Variants in CEP128 observed in about 807,000 individuals in gnomAD.
The protein encoded by CEP128 is centrosomal protein 128kDa.
Under a neutral mutation model 156.7 loss-of-function variants are expected in CEP128, and 132 were observed. The ratio of observed to expected loss-of-function variants is 0.84; its 90% CI spans 0.73 to 0.97. The LOEUF (loss-of-function observed/expected upper bound fraction) is 0.97. CEP128 is among the 50% of genes least tolerant of loss of function. The pLI, the probability that CEP128 is intolerant of heterozygous loss-of-function variation, is 0.00. For missense variants in CEP128, 1,252 were observed against 1,281.9 expected (o/e 0.98, Z 0.36); for synonymous variants, 469 against 448.9 (o/e 1.04, Z -0.57).
chr14:80,895,868 T>A, intron 7 of CEP128, 78 bp from the exon 8 acceptor site: 2 of 982,858 alleles, frequency 2.0e-6, no homozygotes, highest in Non-Finnish European at 2.9e-6. Flanking sequence ...TATAACATGA[T>A]AATTATGTTA....
At chr14:80,889,892 A>AT (rs1889005302) in intron 8 of CEP128, among the ~76,000 whole-genome samples, 1 of 152,144 alleles carries the variant, frequency 6.6e-6, no homozygotes, top group Admixed American at 6.5e-5. Context: ...CAAAGAGCTA[A>AT]TGTCCAGAAT....
intron 19 of CEP128, among the ~76,000 whole-genome samples, chr14:80,585,772 T>C (rs535381508): frequency 4.6e-5 from 7 of 152,310 alleles, no homozygotes; most frequent in East Asian, 1.9e-4. Flanking sequence ...CCAAACACAA[T>C]AGATAATGCA....
chr14:80,844,282 C>T (rs1444414315), intron 9 of CEP128, among the ~76,000 whole-genome samples: 3 of 151,740 alleles, frequency 2.0e-5, no homozygotes, highest in African/African-American at 4.8e-5. Flanking sequence ...TTAAATTGTT[C>T]AAAGAAATTT....
chr14:80,764,441 G>A (rs1900134547), intron 16 of CEP128, among the ~76,000 whole-genome samples: 1 of 151,838 alleles, frequency 6.6e-6, no homozygotes, highest in Non-Finnish European at 1.5e-5. Context: ...AGAGCTTGCA[G>A]TGAGCCGAGA....
chr14:80,959,150 C>G (rs1886879705), intron 1 of CEP128, among the ~76,000 whole-genome samples: 1 of 152,052 alleles, frequency 6.6e-6, no homozygotes, highest in Non-Finnish European at 1.5e-5. Flanking sequence ...GATGCTGTAT[C>G]TTTTCCTCAC....
At chr14:80,827,911 C>T (rs1489457026) in intron 13 of CEP128, among the ~76,000 whole-genome samples, 2 of 152,074 alleles carry the variant, frequency 1.3e-5, no homozygotes, top group Admixed American at 1.3e-4. Context: ...TTGACCCACA[C>T]CTCTCTCTTC....
chr14:80,774,103 T>C (rs1318445946), intron 16 of CEP128, among the ~76,000 whole-genome samples: 3 of 152,226 alleles, frequency 2.0e-5, no homozygotes, highest in Non-Finnish European at 2.9e-5. Flanking sequence ...GAGGAAAATA[T>C]GCTAAAGTCA....
At chr14:80,952,804 G>C (rs1594880948) in intron 2 of CEP128, among the ~76,000 whole-genome samples, 1 of 152,186 alleles carries the variant, frequency 6.6e-6, no homozygotes, top group Middle Eastern at 3.4e-3. Flanking sequence ...TCAATATCAG[G>C]TATGACAGAG....
intron 19 of CEP128, among the ~76,000 whole-genome samples, chr14:80,600,211 T>A (rs1892522704): frequency 1.3e-5 from 2 of 152,056 alleles, no homozygotes; most frequent in African/African-American, 4.8e-5. Flanking sequence ...AAAAGATAAT[T>A]CCCAAAGGAA....
chr14:80,492,539 AAGAG>A (rs1198005088), downstream of CEP128, among the ~76,000 whole-genome samples: 1 of 152,178 alleles, frequency 6.6e-6, no homozygotes, highest in Non-Finnish European at 1.5e-5. Context: ...AAGGATATCA[AAGAG>A]AGAGAGACTG....
At chr14:80,638,680 C>A (rs1456696266) in intron 19 of CEP128, among the ~76,000 whole-genome samples, 3 of 152,168 alleles carry the variant, frequency 2.0e-5, no homozygotes, top group African/African-American at 7.2e-5. Flanking sequence ...ACGGTAGGGG[C>A]AGTGACTAGC....
intron 5 of CEP128, 100 bp downstream of exon 5, chr14:80,905,855 A>G: frequency 1.8e-6 from 2 of 1,139,382 alleles, no homozygotes; most frequent in Non-Finnish European, 2.5e-6. Flanking sequence ...TCCAATCTGC[A>G]TGAAGTTATG....
intron 19 of CEP128, among the ~76,000 whole-genome samples, chr14:80,688,691 G>C (rs1201302354): frequency 1.3e-5 from 2 of 152,148 alleles, no homozygotes; most frequent in Admixed American, 6.6e-5. Context: ...ATGGGTCAAA[G>C]TTAATTTAGA....
At chr14:80,686,277 T>A (rs1253943588) in intron 19 of CEP128, among the ~76,000 whole-genome samples, 1 of 152,038 alleles carries the variant, frequency 6.6e-6, no homozygotes, top group Non-Finnish European at 1.5e-5. Context: ...GGGCCAATAT[T>A]CAACATTCTT....
chr14:80,632,176 A>G (rs940570480), intron 19 of CEP128, among the ~76,000 whole-genome samples: 1 of 152,040 alleles, frequency 6.6e-6, no homozygotes, highest in African/African-American at 2.4e-5. Flanking sequence ...TATGACAACT[A>G]TCCTTCAGTA....
chr14:80,552,971 C>A (rs943027942), intron 21 of CEP128, among the ~76,000 whole-genome samples: 2 of 151,140 alleles, frequency 1.3e-5, no homozygotes, highest in Non-Finnish European at 2.9e-5. Context: ...CCTTTTTTTT[C>A]TCTTCAGAAA....
chr14:80,943,468 CT>C (rs1429654765), upstream of CEP128, among the ~76,000 whole-genome samples: 1 of 152,194 alleles, frequency 6.6e-6, no homozygotes, highest in Non-Finnish European at 1.5e-5. Flanking sequence ...CTTTTCCTCC[CT>C]GGTTCAACCA....
chr14:80,774,346 A>G (rs907086651), intron 16 of CEP128, among the ~76,000 whole-genome samples: 2 of 152,176 alleles, frequency 1.3e-5, no homozygotes, highest in African/African-American at 4.8e-5. Flanking sequence ...GATGTTGAGG[A>G]TGGGCATGCA....
intron 19 of CEP128, among the ~76,000 whole-genome samples, chr14:80,630,333 AAATTG>A (rs569286569): frequency 3.7e-4 from 56 of 152,140 alleles, no homozygotes; most frequent in African/African-American, 1.1e-3. Context: ...TTCTGTAAGT[AAATTG>A]AATTGAATAC....
Sources: allele counts gnomAD v4.1 joint callset (sites outside exome capture counted in the v4.1 genomes callset), GRCh38; gene constraint gnomAD v4.1.1; transcripts MANE v1.5; gene names NCBI Gene and HGNC (gene_info 2026-07-23, HGNC 2026-07-21).